The following GTSF1 variants were observed in gnomAD, a reference collection of about 807,000 sequenced individuals.
GTSF1 encodes gametocyte-specific factor 1.
Under a neutral mutation model 28.9 loss-of-function variants are expected in GTSF1, and 11 were observed. The observed-to-expected ratio is 0.38, with a 90% CI of 0.24 to 0.63. GTSF1 has a LOEUF of 0.63. GTSF1 is among the 30% of genes least tolerant of loss of function. The pLI, the probability that GTSF1 is intolerant of heterozygous loss-of-function variation, is 0.56. For missense variants in GTSF1, 146 were observed against 201.0 expected (o/e 0.73, Z 1.66); for synonymous variants, 69 against 65.6 (o/e 1.05, Z -0.25).
chr12:54,463,025 T>C (rs564421971), intron 4 of GTSF1, 146 bp downstream of exon 4: 1 of 742,854 alleles, frequency 1.3e-6, no homozygotes, highest in African/African-American at 1.8e-5. Flanking sequence ...TGACAACCTA[T>C]TGCTGCCATG....
intron 8 of GTSF1, among the ~76,000 whole-genome samples, 171 bp from the exon 9 acceptor site, chr12:54,456,324 T>C (rs763253272): frequency 6.6e-6 from 1 of 152,236 alleles, no homozygotes; most frequent in Non-Finnish European, 1.5e-5. Flanking sequence ...CTTTAACTCT[T>C]TACTACCATT....
chr12:54,463,270 C>T lies in GTSF1; in HGVS notation c.145G>A (p.Ala49Thr). Residue 49 changes from alanine to threonine, a missense_variant, in exon 4 of 9, where the codon GCT (alanine) becomes ACT (threonine). Physicochemically the swap from Ala to Thr is moderately conservative, Grantham distance 58. Coordinates refer to ENST00000305879, the MANE Select transcript of GTSF1 (RefSeq NM_144594.3). ...KNHPDVASKL[A>T]TCPFNARHQV... is the part of the protein sequence containing the mutation. ...TGGCGAGCATTGAAGGGACAAGTAG[C>T]CAATTTGCTTGCAACATCAGGATGA... is the stretch of plus-strand genomic sequence containing the variant. 1 of 1,613,848 alleles carries T rather than the reference C, an allele frequency of 6.2e-7. No homozygotes were observed. The highest frequency in any genetic ancestry group is 8.5e-7 in the Non-Finnish European group (1 of 1,179,818).
intron 3 of GTSF1, among the ~76,000 whole-genome samples, chr12:54,464,327 G>A (rs949705979): frequency 3.3e-5 from 5 of 152,154 alleles, no homozygotes; most frequent in Non-Finnish European, 5.9e-5. Flanking sequence ...CCTTGCTCTC[G>A]AGATTAAAAG....
intron 6 of GTSF1, 92 bp downstream of exon 6, chr12:54,462,017 G>C: frequency 1.2e-6 from 1 of 859,714 alleles, no homozygotes; most frequent in Admixed American, 2.1e-5. Flanking sequence ...CATCGTTAAA[G>C]AAAGTGGTCA....
At chr12:54,460,513 A>C (rs1428134869) in intron 6 of GTSF1, 42 bp from the exon 7 acceptor site, 1 of 1,328,496 alleles carries the variant, frequency 7.5e-7, no homozygotes, top group Non-Finnish European at 1.1e-6. Flanking sequence ...GATCAGTATC[A>C]TTCAAGCAGG....
chr12:54,458,806 A>AACTT (rs200710997), intron 8 of GTSF1, among the ~76,000 whole-genome samples: 3,200 of 152,130 alleles, frequency 0.021, 122 homozygotes, highest in African/African-American at 0.073. Flanking sequence ...TAAAAGAGGC[A>AACTT]TGATAGATCT....
intron 5 of GTSF1, 82 bp downstream of exon 5, chr12:54,462,550 TATGTTCATAA>T (rs1269265304): frequency 3.3e-4 from 328 of 992,056 alleles, no homozygotes; most frequent in Non-Finnish European, 4.6e-4. Context: ...AACAACATGG[TATGTTCATAA>T]AAAAGGAAAA....
At chr12:54,471,173 G>C in intron 2 of GTSF1, 60 bp downstream of exon 2, 1 of 1,349,054 alleles carries the variant, frequency 7.4e-7, no homozygotes, top group Non-Finnish European at 1.0e-6. Context: ...AGTCTTGTCA[G>C]ATATAAAACT....
intron 7 of GTSF1, 173 bp from the exon 8 acceptor site, chr12:54,459,298 T>C (rs548496658): frequency 1.5e-5 from 22 of 1,438,072 alleles, no homozygotes; most frequent in Non-Finnish European, 2.0e-5. Context: ...GAAAAGAAAA[T>C]AGACCTTTAC....
intron 3 of GTSF1, among the ~76,000 whole-genome samples, chr12:54,464,542 A>T (rs1032769526): frequency 1.3e-5 from 2 of 152,196 alleles, no homozygotes; most frequent in African/African-American, 4.8e-5. Context: ...AGTAGTTTAT[A>T]TCAGCTAAGT....
intron 2 of GTSF1, among the ~76,000 whole-genome samples, chr12:54,466,446 G>GACA (rs1280727858): frequency 6.6e-6 from 1 of 152,172 alleles, no homozygotes; most frequent in Non-Finnish European, 1.5e-5. Context: ...TGACTTGAAG[G>GACA]ACAGAATGAA....
intron 4 of GTSF1, among the ~76,000 whole-genome samples, chr12:54,462,970 T>C (rs1422495797): frequency 5.9e-5 from 9 of 152,164 alleles, no homozygotes; most frequent in Admixed American, 5.9e-4. Context: ...ATTAGTAAAA[T>C]GAACCAGGCT....
At chr12:54,462,380 C>T (rs564082769) in intron 5 of GTSF1, among the ~76,000 whole-genome samples, 7 of 152,056 alleles carry the variant, frequency 4.6e-5, no homozygotes, top group Non-Finnish European at 8.8e-5. Context: ...ATAAACGTGC[C>T]TACTAACAAT....
chr12:54,464,945 G>A (rs1956486323), intron 3 of GTSF1, 122 bp downstream of exon 3: 2 of 603,516 alleles, frequency 3.3e-6, no homozygotes, highest in Admixed American at 2.5e-5. Flanking sequence ...GTATTTAAGA[G>A]AGGTAGATTC....
chr12:54,467,995 A>G (rs1956544982), intron 2 of GTSF1, among the ~76,000 whole-genome samples: 1 of 151,870 alleles, frequency 6.6e-6, no homozygotes, highest in South Asian at 2.1e-4. Context: ...TCCCGACCTC[A>G]GGTGATCCAC....
chr12:54,460,241 A>AT, intron 7 of GTSF1, 136 bp downstream of exon 7: 1 of 637,292 alleles, frequency 1.6e-6, no homozygotes, highest in South Asian at 1.9e-5. Flanking sequence ...TGCTTAGGGC[A>AT]TAACATTTAA....
Position 54,459,079 on chromosome 12 carries a change from A to C in GTSF1, c.*20+10T>G. ...CTGAAGAGACAGTGAAATAAAACTG[A>C]AACACTTACTTGATGAGATAGGTAT... is the stretch of plus-strand genomic sequence containing the variant. On this transcript the variant is annotated intron_variant, in intron 8 of 8. Coordinates refer to ENST00000305879, the MANE Select transcript of GTSF1 (RefSeq NM_144594.3). 6.3e-7 allele frequency: 1 copy of C among 1,586,876 alleles called. No homozygotes were observed. The highest frequency in any genetic ancestry group is 8.6e-7 in the Non-Finnish European group (1 of 1,161,812).
Position 54,463,263 on chromosome 12 carries a change from C to A in GTSF1, c.152G>T (p.Cys51Phe), listed in dbSNP as rs1365351134. The change falls in exon 4 of 9, where the codon TGT becomes TTT. Residue 51 changes from cysteine to phenylalanine, a missense_variant. Cys to Phe is a radical substitution (Grantham distance 205, BLOSUM62 -2). Transcript: ENST00000305879. ...HPDVASKLATCPFNARHQVPR... is the reference protein window; with the variant it reads ...HPDVASKLATFPFNARHQVPR... ...AACCTGGTGGCGAGCATTGAAGGGA[C>A]AAGTAGCCAATTTGCTTGCAACATC... 4.3e-6 allele frequency: 7 copies of A among 1,613,798 alleles called. No individual in the cohort carries two copies. In the Admixed American group the frequency reaches 6.7e-5, roughly 15 times the overall value.
At chr12:54,461,396 A>C (rs1300376012) in intron 6 of GTSF1, among the ~76,000 whole-genome samples, 3 of 151,952 alleles carry the variant, frequency 2.0e-5, no homozygotes, top group Admixed American at 2.0e-4. Flanking sequence ...GAAATCATCT[A>C]GTTTTCAATT....
Sources: gnomAD v4.1 joint callset for allele counts (sites outside exome capture counted in the v4.1 genomes callset) on GRCh38, gnomAD v4.1.1 for gene constraint, MANE v1.5 for transcripts, NCBI Gene and HGNC (gene_info 2026-07-23, HGNC 2026-07-21) for gene names.